The following DOCK5 variants were observed in gnomAD, a reference collection of about 807,000 sequenced individuals.
DOCK5 encodes dedicator of cytokinesis protein 5.
Under a neutral mutation model 251.8 loss-of-function variants are expected in DOCK5, and 142 were observed. That is an observed-to-expected ratio of 0.56 (90% CI 0.49 to 0.65). The LOEUF (loss-of-function observed/expected upper bound fraction) is 0.65, where lower values mean the gene tolerates loss of function less well. DOCK5 is among the 30% of genes least tolerant of loss of function. DOCK5 has a pLI of 0.00. For missense variants in DOCK5, 2,111 were observed against 2,312.3 expected (o/e 0.91, Z 1.79); for synonymous variants, 842 against 835.5 (o/e 1.01, Z -0.13).
chr8:25,392,585 A>G (rs186055659), intron 43 of DOCK5, among the ~76,000 whole-genome samples: 49 of 152,256 alleles, frequency 3.2e-4, no homozygotes, highest in Admixed American at 2.9e-3. Flanking sequence ...TAGGGTGAGA[A>G]GTCCCAAGTA....
chr8:25,392,881 C>T lies in DOCK5; in HGVS notation c.4526C>T (p.Thr1509Ile), dbSNP rs1356129547. 2.5e-6 allele frequency: 4 copies of T among 1,608,654 alleles called. No individual in the cohort carries two copies. In the Admixed American group the frequency reaches 5.0e-5, roughly 20 times the overall value. The change falls in exon 44 of 52, where the codon ACA becomes ATA. Residue 1509 changes from threonine (T) to isoleucine (I), a missense_variant and splice_region_variant. By Grantham distance (89) the Thr-to-Ile change is moderately conservative. Around this residue, in one of 3 missense-constraint regions of DOCK5, gnomAD observed 1,717 missense variants for 1,892.4 expected, o/e 0.91. Transcript: ENST00000276440. ...TGGTTTGAAGTCAAACAGATTTCAACAGTGAGTCATTTGAAATTGGCATTT... is the reference window on the plus strand; with the variant it reads ...TGGTTTGAAGTCAAACAGATTTCAATAGTGAGTCATTTGAAATTGGCATTT... ...LKWFEVKQIS[T>I]EEISPLENAI...
At chr8:25,302,698 G>A (rs1386603131) in intron 10 of DOCK5, among the ~76,000 whole-genome samples, 2 of 152,194 alleles carry the variant, frequency 1.3e-5, no homozygotes, top group African/African-American at 2.4e-5. Context: ...AGAAACTGTG[G>A]TGTGTACGCA....
chr8:25,376,105 A>AAG, intron 37 of DOCK5: 1 of 258,072 alleles, frequency 3.9e-6, no homozygotes, highest in African/African-American at 4.9e-5. Context: ...TCTCAAAAGA[A>AAG]AAAAAAAAAA....
intron 15 of DOCK5, 66 bp from the exon 16 acceptor site, chr8:25,320,914 A>G (rs1410361592): frequency 1.4e-6 from 2 of 1,434,804 alleles, no homozygotes; most frequent in Non-Finnish European, 1.9e-6. Flanking sequence ...GCCTAATTCC[A>G]TGAAATAAAC....
rs535390218 is a variant in DOCK5, at chr8:25,373,149, G to A, written c.3684+431G>A. On this transcript the variant is annotated intron_variant, in intron 35 of 51. Transcript: ENST00000276440. ...CAAGTAGCTGGGATTACAGGCACGC[G>A]CCACCATGCCCAGCTAATTTTTGTA... Among the ~76,000 whole-genome samples, 9 of 152,050 alleles carry A rather than the reference G, an allele frequency of 5.9e-5. No homozygotes were observed. In the South Asian group the frequency reaches 6.2e-4, roughly 11 times the overall value.
intron 48 of DOCK5, 36 bp downstream of exon 48, chr8:25,403,760 G>A: frequency 1.9e-6 from 3 of 1,605,664 alleles, no homozygotes; most frequent in East Asian, 2.2e-5. Context: ...GGAAGGGTGG[G>A]GTAACGCCTT....
At chr8:25,396,817 C>G (rs1002001481) in intron 45 of DOCK5, among the ~76,000 whole-genome samples, 1 of 147,462 alleles carries the variant, frequency 6.8e-6, no homozygotes, top group Non-Finnish European at 1.5e-5. Context: ...AGAGCAGGAG[C>G]TTTGCACTCA....
intron 1 of DOCK5, among the ~76,000 whole-genome samples, chr8:25,237,436 G>A (rs1423445618): frequency 6.6e-6 from 1 of 152,092 alleles, no homozygotes; most frequent in Non-Finnish European, 1.5e-5. Context: ...ACTTTTCATT[G>A]TCAAAACTGA....
At chr8:25,279,781 A>AT (rs59363613) in intron 5 of DOCK5, among the ~76,000 whole-genome samples, 18,177 of 143,492 alleles carry the variant, frequency 0.13, 1,354 homozygotes, top group Admixed American at 0.25. Context: ...CGCCTGGCTA[A>AT]TTTTTTTTTT....
chr8:25,275,488 CAT>C (rs1563334271), intron 4 of DOCK5, 47 bp downstream of exon 4: 1 of 1,524,990 alleles, frequency 6.6e-7, no homozygotes, highest in Non-Finnish European at 9.0e-7. Flanking sequence ...GAAGATGTAA[CAT>C]TATCATTAAT....
In DOCK5 at chr8:25,363,035, T is replaced by C; in HGVS notation, c.2950-12T>C. 2 of 1,611,464 alleles carry C rather than the reference T, an allele frequency of 1.2e-6. No individual in the cohort carries two copies. The highest frequency in any genetic ancestry group is 1.7e-6 in the Non-Finnish European group (2 of 1,177,638). On this transcript the variant is annotated splice_polypyrimidine_tract_variant and intron_variant, in intron 28 of 51. Coordinates refer to ENST00000276440, the MANE Select transcript of DOCK5 (RefSeq NM_024940.8). ...CCCAGTTTTCCCCCAACCACTCCTC[T>C]GTTCTCCGCAGGACTTCCTCATGGA...
chr8:25,185,747 G>A (rs189004735), intron 1 of DOCK5, among the ~76,000 whole-genome samples: 2 of 152,194 alleles, frequency 1.3e-5, no homozygotes, highest in Non-Finnish European at 2.9e-5. Flanking sequence ...GAGAGCCCCG[G>A]GTTGTGCGCA....
At chr8:25,333,171 C>T (rs1039277335) in intron 20 of DOCK5, among the ~76,000 whole-genome samples, 2 of 152,142 alleles carry the variant, frequency 1.3e-5, no homozygotes, top group Non-Finnish European at 2.9e-5. Context: ...GAAATCAGAT[C>T]AGGGATAAGT....
chr8:25,374,755 C>T lies in DOCK5; in HGVS notation c.3816+101C>T, dbSNP rs751953109. The T allele has an allele frequency of 2.5e-6, 4 of 1,605,512 alleles. No homozygotes were observed. The Admixed American group carries it at 6.7e-5, about 27-fold the overall frequency. ...ATTTTGATGGGAAAGAACTTTATTC[C>T]AGGAATATCCTTTTATACAAGTTTT... On this transcript the variant is annotated intron_variant, in intron 37 of 51. Coordinates refer to ENST00000276440, the MANE Select transcript of DOCK5 (RefSeq NM_024940.8).
At chr8:25,393,743 G>C (rs769269741) in intron 44 of DOCK5, among the ~76,000 whole-genome samples, 13 of 152,174 alleles carry the variant, frequency 8.5e-5, no homozygotes, top group Non-Finnish European at 1.8e-4. Context: ...GTCCCCTGTG[G>C]CATCCTGGGC....
chr8:25,324,901 G>GTT (rs546010952), intron 17 of DOCK5, among the ~76,000 whole-genome samples: 1 of 150,078 alleles, frequency 6.7e-6, no homozygotes, highest in African/African-American at 2.5e-5. Flanking sequence ...GCGGTGTTTG[G>GTT]TTTTTTGTCC....
chr8:25,281,025 G>A (rs1024267215), intron 5 of DOCK5, among the ~76,000 whole-genome samples: 8 of 150,384 alleles, frequency 5.3e-5, no homozygotes, highest in African/African-American at 1.2e-4. Flanking sequence ...GAGTGAGGCC[G>A]ACTTTTTTTC....
At chr8:25,346,374 C>CATA (rs1374339048) in intron 26 of DOCK5, among the ~76,000 whole-genome samples, 2 of 152,220 alleles carry the variant, frequency 1.3e-5, no homozygotes, top group Non-Finnish European at 1.5e-5. Context: ...CCTCTTCCTT[C>CATA]TTATCCTCTG....
intron 2 of DOCK5, among the ~76,000 whole-genome samples, chr8:25,245,034 C>A (rs1716991797): frequency 6.6e-6 from 1 of 152,138 alleles, no homozygotes; most frequent in South Asian, 2.1e-4. Flanking sequence ...CTTATGGAAA[C>A]CACAGCTCTT....
Sources: gnomAD v4.1 joint callset for allele counts (sites outside exome capture counted in the v4.1 genomes callset) on GRCh38, gnomAD v4.1.1 for gene constraint, gnomAD v4.1.1 regional missense constraint, MANE v1.5 for transcripts, NCBI Gene and HGNC (gene_info 2026-07-23, HGNC 2026-07-21) for gene names.